The following HIRA variants were observed in gnomAD, a reference collection of about 807,000 sequenced individuals.
HIRA encodes the protein histone cell cycle regulator.
Under a neutral mutation model 126.6 loss-of-function variants are expected in HIRA, and 13 were observed. That is an observed-to-expected ratio of 0.10 (90% CI 0.07 to 0.16). HIRA has a LOEUF of 0.16. Among genes scored for constraint, HIRA ranks in the 10% least tolerant of loss-of-function variants. HIRA has a pLI of 1.00. For missense variants in HIRA, 834 were observed against 1,314.4 expected, an observed-to-expected ratio of 0.63 and a Z score of 5.65; for synonymous variants, 511 against 520.0, an observed-to-expected ratio of 0.98 and a Z score of 0.24.
intron 15 of HIRA, chr22:19,365,824 C>T (rs1201058857): frequency 6.6e-6 from 1 of 151,872 alleles, no homozygotes; most frequent in Non-Finnish European, 1.5e-5. Context: ...TCCAGAAGTT[C>T]TGAGTTATAG....
In HIRA at chr22:19,346,784, G is replaced by A. The variant is rs146343386; in HGVS notation, c.2937+4574C>T. On this transcript the variant is annotated intron_variant, in intron 24 of 24. Transcript: ENST00000263208. The stretch of plus-strand genomic sequence containing the variant: ...ATGGAAGCCACCTTGTAACCATGAG[G>A]GAAGGGCTAGGAGACCTTTACAGAG... 4.6e-5 allele frequency among the ~76,000 whole-genome samples: 7 copies of A among 152,298 alleles called. No homozygotes were observed. The East Asian group carries it at 1.4e-3, about 29-fold the overall frequency.
In HIRA at chr22:19,338,370, G is replaced by T. The variant is rs536385837; in HGVS notation, c.2938-6814C>A. Among the ~76,000 whole-genome samples, 5 of 147,836 alleles carry T rather than the reference G, an allele frequency of 3.4e-5. No individual in the cohort carries two copies. In the South Asian group the frequency reaches 1.1e-3, roughly 32 times the overall value. ...TACACCAAAATAGAACTTCCTTAAA[G>T]CATAAAACTCACAGGGTCTATAAAA... On this transcript the variant is annotated intron_variant, in intron 24 of 24. Coordinates refer to ENST00000263208, the MANE Select transcript of HIRA (RefSeq NM_003325.4).
chr22:19,405,370 TAA>T (rs201870665), intron 5 of HIRA: 4,672 of 463,858 alleles, frequency 0.01, 39 homozygotes, highest in South Asian at 0.012. Context: ...CAAGTTTATT[TAA>T]AACACTGCAA....
chr22:19,424,152 C>G (rs996542835), intron 1 of HIRA, among the ~76,000 whole-genome samples: 6 of 152,210 alleles, frequency 3.9e-5, no homozygotes, highest in Non-Finnish European at 7.3e-5. Context: ...GGGAAAAGGG[C>G]ATGAGCAAAG....
intron 18 of HIRA, among the ~76,000 whole-genome samples, chr22:19,357,581 C>T (rs533048654): frequency 6.6e-6 from 1 of 152,330 alleles, no homozygotes; most frequent in South Asian, 2.1e-4. Flanking sequence ...TGGACACTGT[C>T]CAGCTTCTCC....
intron 24 of HIRA, among the ~76,000 whole-genome samples, chr22:19,334,131 C>T (rs920272955): frequency 1.1e-4 from 17 of 151,824 alleles, no homozygotes; most frequent in Admixed American, 3.9e-4. Context: ...CCGGCCAGCA[C>T]GCCTGGCTAA....
rs782492568 is a variant in HIRA, at chr22:19,331,523, G to T, written c.2971C>A (p.Leu991Ile). ...CGGAGGTTCTGCCCGATGACTGGTA[G>T]CAGCTCCTTCAGCAGCTCCCTCTTC... is the stretch of plus-strand genomic sequence containing the variant. Reference protein sequence around the residue: ...LRKRELLKELLPVIGQNLRFQ... With the variant: ...LRKRELLKELIPVIGQNLRFQ... The change falls in exon 25 of 25, where the codon CTA becomes ATA. Residue 991 changes from leucine to isoleucine, a missense_variant. Around this residue, in one of 5 missense-constraint regions of HIRA, gnomAD observed 58 missense variants for 114.5 expected, o/e 0.51. Transcript: ENST00000263208. 6.2e-7 allele frequency: 1 copy of T among 1,611,134 alleles called. No individual in the cohort carries two copies. The highest frequency in any genetic ancestry group is 1.7e-5 in the Admixed American group (1 of 59,904).
chr22:19,422,224 T>A (rs555086381), intron 1 of HIRA, among the ~76,000 whole-genome samples: 1 of 107,464 alleles, frequency 9.3e-6, no homozygotes, highest in East Asian at 2.8e-4. Context: ...ATATATATAT[T>A]ACATATACAT....
At chr22:19,356,505 T>C (rs1268004860) in intron 19 of HIRA, among the ~76,000 whole-genome samples, 1 of 152,196 alleles carries the variant, frequency 6.6e-6, no homozygotes. Context: ...AACAGAGCCA[T>C]GGGGAACCCT....
At chr22:19,384,947 C>G (rs192193308) in intron 12 of HIRA, among the ~76,000 whole-genome samples, 5 of 152,202 alleles carry the variant, frequency 3.3e-5, no homozygotes, top group Admixed American at 3.3e-4. Flanking sequence ...AGCCACTGCG[C>G]CTGGCCTGAG....
Position 19,387,907 on chromosome 22 carries a change from G to A in HIRA, c.1008-91C>T. ...CTGGCCTGTGAGGATGGTGGGCAGT[G>A]TTCTAGGGAGATGCTGGAAACTCCT... On this transcript the variant is annotated intron_variant, in intron 10 of 24. Coordinates refer to ENST00000263208, the MANE Select transcript of HIRA (RefSeq NM_003325.4). 5.2e-6 allele frequency: 3 copies of A among 580,616 alleles called. No homozygotes were observed. In the South Asian group the frequency reaches 6.2e-5, roughly 12 times the overall value. The allele number at this position is 580,616 out of a possible 1,614,324, so 36.0% of individuals were successfully genotyped here.
chr22:19,383,687 C>T lies in HIRA; in HGVS notation c.1348G>A (p.Val450Ile). The stretch of plus-strand genomic sequence containing the variant: ...CGGCCATCTGCTGTCCGAGTCTCAA[C>T]TTGTTTCTTCAAAAGATTCTGGCAA... ...DIRKNLLKKQ[V>I]ETRTADGRRR... The change falls in exon 13 of 25, where the codon GTT becomes ATT. Residue 450 changes from valine (V) to isoleucine (I), a missense_variant. Physicochemically the swap from Val to Ile is conservative, Grantham distance 29. Transcript: ENST00000263208. The T allele has an allele frequency of 6.2e-7, 1 of 1,614,114 alleles. No homozygotes were observed. The highest frequency in any genetic ancestry group is 1.1e-5 in the South Asian group (1 of 91,088).
intron 24 of HIRA, among the ~76,000 whole-genome samples, chr22:19,340,438 T>G (rs1355045472): frequency 6.6e-6 from 1 of 151,862 alleles, no homozygotes; most frequent in South Asian, 2.1e-4. Flanking sequence ...GATAAAAGGG[T>G]TCCCCCTGAG....
At chr22:19,414,990 G>C (rs571920098) in intron 1 of HIRA, among the ~76,000 whole-genome samples, 21 of 151,486 alleles carry the variant, frequency 1.4e-4, no homozygotes, top group African/African-American at 5.1e-4. Flanking sequence ...CTGTCACCCA[G>C]GCTGGAGTGC....
At chr22:19,364,634 GATGCTGAACTTAATCAATAA>G (rs2088895587) in intron 15 of HIRA, among the ~76,000 whole-genome samples, 1 of 152,158 alleles carries the variant, frequency 6.6e-6, no homozygotes, top group Non-Finnish European at 1.5e-5. Context: ...ACCCATGTAA[GATGCTGAACTTAATCAATAA>G]ATGGCGTTTA....
chr22:19,404,915 G>A (rs532407366), intron 5 of HIRA, among the ~76,000 whole-genome samples: 1 of 152,252 alleles, frequency 6.6e-6, no homozygotes, highest in East Asian at 1.9e-4. Context: ...GCCTAGCTCA[G>A]GCCCTGACAG....
At chr22:19,333,978 CTTTTT>C (rs1158066793) in intron 24 of HIRA, among the ~76,000 whole-genome samples, 12 of 146,490 alleles carry the variant, frequency 8.2e-5, no homozygotes, top group Non-Finnish European at 1.7e-4. Context: ...CTCTCATTTT[CTTTTT>C]TTTTTTCTTG....
intron 24 of HIRA, among the ~76,000 whole-genome samples, chr22:19,340,326 C>T (rs1251175489): frequency 6.6e-6 from 1 of 151,602 alleles, no homozygotes; most frequent in African/African-American, 2.4e-5. Flanking sequence ...AGCATGCCTT[C>T]GATTAAAGCC....
At chr22:19,425,755 G>C (rs755188572) in intron 1 of HIRA, among the ~76,000 whole-genome samples, 1 of 152,154 alleles carries the variant, frequency 6.6e-6, no homozygotes, top group Non-Finnish European at 1.5e-5. Flanking sequence ...AGGCCGAGGC[G>C]GGTGGATCAC....
Sources: allele counts gnomAD v4.1 joint callset (sites outside exome capture counted in the v4.1 genomes callset), GRCh38; gene constraint gnomAD v4.1.1; regional missense constraint gnomAD v4.1.1; transcripts MANE v1.5; gene names NCBI Gene and HGNC (gene_info 2026-07-23, HGNC 2026-07-21).